EZH2: variants seen among roughly 807,000 people sequenced by gnomAD.
The protein encoded by EZH2 is enhancer of zeste 2 polycomb repressive complex 2 subunit, also known as histone-lysine N-methyltransferase EZH2.
In EZH2, 18 loss-of-function variants were observed where a neutral mutation model predicts 98.4. That is an observed-to-expected ratio of 0.18 (90% confidence interval 0.13 to 0.27). The LOEUF is 0.27. Among genes scored for constraint, EZH2 ranks in the 10% least tolerant of loss-of-function variants. EZH2 has a pLI of 1.00. For synonymous variants in EZH2, 338 were observed against 312.3 expected (o/e 1.08, Z -0.87); for missense variants, 470 against 935.1 (o/e 0.50, Z 6.49).
At chr7:148,815,282 C>A (rs1804243723) in intron 13 of EZH2, among the ~76,000 whole-genome samples, 1 of 152,188 alleles carries the variant, frequency 6.6e-6, no homozygotes, top group South Asian at 2.1e-4. Flanking sequence ...CAAAGCACTT[C>A]TCCTTCAACT....
chr7:148,842,424 T>C (rs1343126262), intron 3 of EZH2, among the ~76,000 whole-genome samples: 2 of 152,276 alleles, frequency 1.3e-5, no homozygotes, highest in African/African-American at 2.4e-5. Context: ...AGAATATAAC[T>C]ACCAATATGA....
At chr7:148,817,557 A>G (rs1804894040) in intron 10 of EZH2, 166 bp from the exon 11 acceptor site, 1 of 697,358 alleles carries the variant, frequency 1.4e-6, no homozygotes, top group Non-Finnish European at 2.3e-6. Context: ...AACTACTCAC[A>G]GAACGTCAAG....
intron 19 of EZH2, among the ~76,000 whole-genome samples, chr7:148,808,161 G>A (rs887571): frequency 0.66 from 99,905 of 151,884 alleles, 33,275 homozygotes; most frequent in African/African-American, 0.76. Flanking sequence ...GGAGTGCAGC[G>A]GACACCCAGA....
chr7:148,870,377 T>A (rs1819177079), intron 1 of EZH2, among the ~76,000 whole-genome samples: 1 of 152,006 alleles, frequency 6.6e-6, no homozygotes, highest in South Asian at 2.1e-4. Context: ...GATTGCACAG[T>A]TTTTTCCTAT....
rs138262318 is a variant in EZH2, at chr7:148,878,890, C to T, written c.-8+5274G>A. ...CTCCAGCCTGGGTGACAACAAGACC[C>T]TGTCTCCAAAAAAAAATTTTTAATT... On this transcript the variant is annotated intron_variant, in intron 1 of 19. Coordinates refer to ENST00000320356, the MANE Select transcript of EZH2 (RefSeq NM_004456.5). Among the ~76,000 whole-genome samples the T allele has an allele frequency of 5.6e-3, 824 of 147,952 alleles. 3 individuals carry two copies. The highest frequency in any genetic ancestry group is 9.4e-3 in the Non-Finnish European group (631 of 67,006).
intron 4 of EZH2, among the ~76,000 whole-genome samples, chr7:148,830,787 TAAAG>T (rs1043585187): frequency 1.5e-4 from 23 of 152,046 alleles, no homozygotes; most frequent in African/African-American, 5.6e-4. Flanking sequence ...GCATACAAGG[TAAAG>T]AAAGTTGACA....
intron 1 of EZH2, among the ~76,000 whole-genome samples, chr7:148,873,579 T>C (rs1184126664): frequency 7.7e-6 from 1 of 129,700 alleles, no homozygotes; most frequent in African/African-American, 2.8e-5. Context: ...TTTTTTTTTT[T>C]TTGCCTCAGA....
In EZH2 at chr7:148,807,422, A is replaced by G. The variant is rs1801762161; in HGVS notation, c.*224T>C. ...TTCTTTATTCAAAGTTGAAAAATGT[A>G]CCATACTGCATTATTGCAAAAATTC... On this transcript the variant is annotated 3_prime_UTR_variant, in exon 20 of 20. Transcript: ENST00000320356. 1.9e-6 allele frequency: 1 copy of G among 535,750 alleles called. No individual in the cohort carries two copies. The highest frequency in any genetic ancestry group is 3.3e-6 in the Non-Finnish European group (1 of 301,174). The allele number at this position is 535,750 out of a possible 1,614,324, so 33.2% of individuals were successfully genotyped here.
At chr7:148,856,420 C>T (rs765343677) in intron 1 of EZH2, among the ~76,000 whole-genome samples, 6 of 152,094 alleles carry the variant, frequency 3.9e-5, no homozygotes, top group Admixed American at 2.6e-4. Context: ...GATACAGAAA[C>T]GTAGGTATGT....
chr7:148,871,577 C>CTTTTTTT (rs376098406), intron 1 of EZH2, among the ~76,000 whole-genome samples: 4 of 135,252 alleles, frequency 3.0e-5, no homozygotes, highest in African/African-American at 1.1e-4. Flanking sequence ...AGTGTATTTT[C>CTTTTTTT]TTTTTTTTTT....
At chr7:148,850,437 T>C in intron 1 of EZH2, 2 of 958,888 alleles carry the variant, frequency 2.1e-6, no homozygotes, top group Non-Finnish European at 2.5e-6. Flanking sequence ...ATGCTGTTTC[T>C]ACCATTAATA....
chr7:148,876,924 C>T (rs1380272258), intron 1 of EZH2, among the ~76,000 whole-genome samples: 1 of 152,094 alleles, frequency 6.6e-6, no homozygotes, highest in Non-Finnish European at 1.5e-5. Flanking sequence ...TTGAAGCTAA[C>T]GTACCCAAAT....
chr7:148,827,389 G>C (rs556491043), intron 6 of EZH2, 123 bp from the exon 7 acceptor site: 2 of 690,152 alleles, frequency 2.9e-6, no homozygotes, highest in South Asian at 4.1e-5. Context: ...TCTCTATTTT[G>C]TGTTTTACTT....
intron 1 of EZH2, among the ~76,000 whole-genome samples, chr7:148,873,148 A>T (rs1182905875): frequency 1.3e-5 from 2 of 151,914 alleles, no homozygotes; most frequent in Non-Finnish European, 2.9e-5. Context: ...ACGCCACTAT[A>T]CTCCAGCCTG....
At chr7:148,855,739 A>G (rs1391934344) in intron 1 of EZH2, among the ~76,000 whole-genome samples, 1 of 151,952 alleles carries the variant, frequency 6.6e-6, no homozygotes, top group Non-Finnish European at 1.5e-5. Context: ...CTCTACTAAA[A>G]ATACAAAAAT....
chr7:148,825,733 C>T (rs769857179), intron 8 of EZH2, among the ~76,000 whole-genome samples: 6 of 152,092 alleles, frequency 3.9e-5, no homozygotes, highest in African/African-American at 1.4e-4. Context: ...CATAGACAGA[C>T]GTACTAAAAT....
chr7:148,828,642 A>C (rs1300141132), intron 6 of EZH2, 98 bp downstream of exon 6: 4 of 1,417,598 alleles, frequency 2.8e-6, no homozygotes, highest in Non-Finnish European at 3.8e-6. Context: ...ACAAAGAAAG[A>C]AAAAGAGAAA....
Position 148,829,605 on chromosome 7 carries a change from T to C in EZH2, c.484+123A>G, listed in dbSNP as rs1808747266. On this transcript the variant is annotated intron_variant, in intron 5 of 19. Coordinates refer to ENST00000320356, the MANE Select transcript of EZH2 (RefSeq NM_004456.5). ...AGGCCTGGGCCCAGGTTCAGTCCCT[T>C]ATAGTTCAGTGCAAAACTTAATTTT... The C allele has an allele frequency of 1.0e-5, 11 of 1,075,034 alleles. No individual in the cohort carries two copies. In the South Asian group the frequency reaches 1.7e-4, roughly 17 times the overall value. The allele number at this position is 1,075,034 out of a possible 1,614,324, so 66.6% of individuals were successfully genotyped here. A position where few individuals can be genotyped will look rare whatever the true frequency, so the allele number is the denominator to read the frequency against.
intron 1 of EZH2, among the ~76,000 whole-genome samples, chr7:148,882,511 T>C (rs1821151642): frequency 6.6e-6 from 1 of 152,202 alleles, no homozygotes; most frequent in East Asian, 1.9e-4. Flanking sequence ...AAAATTAAAA[T>C]ATATCTTAAA....
Sources: allele counts gnomAD v4.1 joint callset (sites outside exome capture counted in the v4.1 genomes callset), GRCh38; gene constraint gnomAD v4.1.1; transcripts MANE v1.5; gene names NCBI Gene and HGNC (gene_info 2026-07-23, HGNC 2026-07-21).